The following PLA2G12A variants were observed in gnomAD, a reference collection of about 807,000 sequenced individuals.
PLA2G12A encodes group XIIA secretory phospholipase A2.
A neutral mutation model predicts 16.0 loss-of-function variants in PLA2G12A; 11 were observed. That is an observed-to-expected ratio of 0.69 (90% CI 0.43 to 1.13). The LOEUF (loss-of-function observed/expected upper bound fraction) is 1.13, where lower values mean the gene tolerates loss of function less well. Ranked by LOEUF, PLA2G12A falls within the 50% of genes most tolerant of loss-of-function variation. The pLI is 0.00. For missense variants in PLA2G12A, 214 were observed against 237.3 expected (o/e 0.90, Z 0.65); for synonymous variants, 77 against 93.8 (o/e 0.82, Z 1.03).
chr4:109,714,956 T>TG (rs1412394088), intron 3 of PLA2G12A, among the ~76,000 whole-genome samples: 2 of 131,608 alleles, frequency 1.5e-5, no homozygotes, highest in Non-Finnish European at 3.5e-5. Flanking sequence ...CACCCAGCTA[T>TG]TTTTGTTTGT....
In PLA2G12A at chr4:109,729,976, T is replaced by C. The variant is rs994073923; in HGVS notation, c.-167A>G. 87 of 596,690 alleles carry C rather than the reference T, an allele frequency of 1.5e-4. 2 individuals are homozygous for C. The South Asian group carries it at 2.0e-3, about 14-fold the overall frequency. 37.0% of individuals were successfully genotyped at this position (596,690 alleles called of 1,614,324 possible). Reference sequence around the variant, plus strand: ...CCCTCAGGATCTCGCTGTCTTTACGTGAACCGCCTCGGGCAGGCAGCGCCG... The same window carrying C: ...CCCTCAGGATCTCGCTGTCTTTACGCGAACCGCCTCGGGCAGGCAGCGCCG... On this transcript the variant is annotated 5_prime_UTR_variant, in exon 1 of 4. Transcript: ENST00000243501.
At chr4:109,719,200 T>A (rs954275967) in intron 1 of PLA2G12A, among the ~76,000 whole-genome samples, 1 of 152,222 alleles carries the variant, frequency 6.6e-6, no homozygotes, top group African/African-American at 2.4e-5. Context: ...AATGCTTCAT[T>A]GCATACAAAC....
intron 1 of PLA2G12A, among the ~76,000 whole-genome samples, chr4:109,728,475 G>T (rs1722981859): frequency 6.6e-6 from 1 of 152,172 alleles, no homozygotes; most frequent in South Asian, 2.1e-4. Context: ...AGTTCTACAA[G>T]AATAAAAACA....
Position 109,718,685 on chromosome 4 carries a change from G to A in PLA2G12A, c.283C>T (p.His95Tyr). Residue 95 changes from histidine to tyrosine, a missense_variant and splice_region_variant, in exon 2 of 4, where the codon CAT becomes TAT. His to Tyr is a moderately conservative substitution (Grantham distance 83). Transcript: ENST00000243501. ...NGCGSPLFGV[H>Y]LNIGIPSLTK... is the part of the protein sequence containing the mutation. Reference sequence around the variant, plus strand: ...ATCAAATAAAAGACAATATTTACATGAACACCAAACAGTGGAGAGCCACAT... The same window carrying A: ...ATCAAATAAAAGACAATATTTACATAAACACCAAACAGTGGAGAGCCACAT... 1.3e-6 allele frequency: 2 copies of A among 1,591,878 alleles called. No homozygotes were observed. Among genetic ancestry groups the A allele is most frequent in the Non-Finnish European group, 1.7e-6 (2 of 1,164,426 alleles).
chr4:109,720,604 AATATATATATATATATATAT>A lies in PLA2G12A; in HGVS notation c.209-1865_209-1846del, dbSNP rs201944228. 2.1e-3 allele frequency among the ~76,000 whole-genome samples: 76 copies of A among 35,582 alleles called. 1 individual carries two copies. Among genetic ancestry groups the A allele is most frequent in the East Asian group, 0.012 (18 of 1,448 alleles). The allele number at this position is 35,582 out of a possible 152,430, so 23.3% of individuals were successfully genotyped here. A position where few individuals can be genotyped will look rare whatever the true frequency, so the allele number is the denominator to read the frequency against. On this transcript the variant is annotated intron_variant, in intron 1 of 3. Transcript: ENST00000243501. The stretch of plus-strand genomic sequence containing the variant: ...AAAAAAAAAAAAAAAAAAAAAAAAA[AATATATATATATATATATAT>A]ATATATATATATATATATATGAATT...
At chr4:109,722,723 T>C (rs1249041574) in intron 1 of PLA2G12A, among the ~76,000 whole-genome samples, 1 of 152,226 alleles carries the variant, frequency 6.6e-6, no homozygotes, top group Non-Finnish European at 1.5e-5. Context: ...TCAGCAAGTC[T>C]TCCCTGACCA....
At chr4:109,720,153 A>C (rs957164624) in intron 1 of PLA2G12A, among the ~76,000 whole-genome samples, 8 of 152,172 alleles carry the variant, frequency 5.3e-5, no homozygotes, top group Non-Finnish European at 1.0e-4. Flanking sequence ...GGAAACAGAA[A>C]AATAAGCCAA....
At chr4:109,715,822 T>G (rs1227657100) in intron 3 of PLA2G12A, among the ~76,000 whole-genome samples, 2 of 152,228 alleles carry the variant, frequency 1.3e-5, no homozygotes, top group Admixed American at 6.5e-5. Context: ...GGTAATTTAT[T>G]TACTTTTCTT....
rs765765620 is a variant in PLA2G12A, at chr4:109,729,839, G to A, written c.-30C>T. ...GCAGCGCCGGGCTCTACGGGTCCCC[G>A]AGCCGCGGCGCGGGGCGCGTCCCCA... On this transcript the variant is annotated 5_prime_UTR_variant, in exon 1 of 4. Transcript: ENST00000243501. 2.6e-6 allele frequency: 4 copies of A among 1,535,832 alleles called. No individual in the cohort carries two copies. The highest frequency in any genetic ancestry group is 3.5e-6 in the Non-Finnish European group (4 of 1,140,376).
chr4:109,719,496 A>G (rs566497081), intron 1 of PLA2G12A, among the ~76,000 whole-genome samples: 4 of 152,342 alleles, frequency 2.6e-5, no homozygotes, highest in Admixed American at 1.3e-4. Context: ...GTTCCCCAGT[A>G]GCATCAAGGG....
In PLA2G12A at chr4:109,711,461, C is replaced by CA. The variant is rs1730728129; in HGVS notation, c.*2915dup. The CA allele has an allele frequency of 1.3e-5, 2 of 151,938 alleles. No homozygotes were observed. Among genetic ancestry groups the CA allele is most frequent in the Non-Finnish European group, 2.9e-5 (2 of 68,008 alleles). 9.4% of individuals were successfully genotyped at this position (151,938 alleles called of 1,614,324 possible). On this transcript the variant is annotated 3_prime_UTR_variant, in exon 4 of 4. Transcript: ENST00000243501. The stretch of plus-strand genomic sequence containing the variant: ...GTAGTGCCAGAAAGTAAGAAGTGCT[C>CA]AAAAATCAAAAGGATGGGCACATCA...
Position 109,712,898 on chromosome 4 carries a change from G to A in PLA2G12A, c.*1479C>T, listed in dbSNP as rs1485593045. On this transcript the variant is annotated 3_prime_UTR_variant, in exon 4 of 4. Coordinates refer to ENST00000243501, the MANE Select transcript of PLA2G12A (RefSeq NM_030821.5). ...TCCCAAACATTTAAGTGGAAACCCAGTTTGCTCACTTAGCCACAAGGCATA... is the reference window on the plus strand; with the variant it reads ...TCCCAAACATTTAAGTGGAAACCCAATTTGCTCACTTAGCCACAAGGCATA... 6.6e-6 allele frequency: 1 copy of A among 152,190 alleles called. No homozygotes were observed. The highest frequency in any genetic ancestry group is 1.5e-5 in the Non-Finnish European group (1 of 68,036). 9.4% of individuals were successfully genotyped at this position (152,190 alleles called of 1,614,324 possible).
At chr4:109,729,532 A>C in intron 1 of PLA2G12A, 70 bp downstream of exon 1, 1 of 1,498,058 alleles carries the variant, frequency 6.7e-7, no homozygotes, top group Non-Finnish European at 9.1e-7. Flanking sequence ...TGTCACTCAC[A>C]CCTCCAGGAT....
chr4:109,728,899 C>G (rs1191283757), intron 1 of PLA2G12A, among the ~76,000 whole-genome samples: 3 of 152,182 alleles, frequency 2.0e-5, no homozygotes, highest in Non-Finnish European at 4.4e-5. Flanking sequence ...TACAAAAGAA[C>G]TATCTCTGCC....
intron 1 of PLA2G12A, among the ~76,000 whole-genome samples, chr4:109,720,595 AAAAAAAAAAATATATATATATATATAT>A (rs1730913607): frequency 7.0e-5 from 2 of 28,716 alleles, no homozygotes; most frequent in African/African-American, 3.4e-4. Context: ...AAAAAAAAAA[AAAAAAAAAAATATATATATATATATAT>A]ATATATATAT....
At chr4:109,728,678 G>A (rs1017935040) in intron 1 of PLA2G12A, among the ~76,000 whole-genome samples, 1 of 152,314 alleles carries the variant, frequency 6.6e-6, no homozygotes, top group South Asian at 2.1e-4. Context: ...CATGATACCA[G>A]TTCCTTTTAA....
At chr4:109,720,105 T>C (rs1181654831) in intron 1 of PLA2G12A, among the ~76,000 whole-genome samples, 1 of 152,220 alleles carries the variant, frequency 6.6e-6, no homozygotes, top group Non-Finnish European at 1.5e-5. Context: ...TTCTGCTTTC[T>C]TTTAAGTTCT....
intron 1 of PLA2G12A, among the ~76,000 whole-genome samples, chr4:109,719,591 C>T (rs948533954): frequency 1.4e-4 from 22 of 152,162 alleles, no homozygotes; most frequent in Admixed American, 9.2e-4. Flanking sequence ...TCATTTAATA[C>T]AGGTTTACCT....
rs1730690789 is a variant in PLA2G12A, at chr4:109,709,998, A to G, written c.*4379T>C. 4 of 152,170 alleles carry G rather than the reference A, an allele frequency of 2.6e-5. No individual in the cohort carries two copies. The highest frequency in any genetic ancestry group is 5.9e-5 in the Non-Finnish European group (4 of 68,022). 9.4% of individuals were successfully genotyped at this position (152,170 alleles called of 1,614,324 possible). ...AAGATGACACTAGTGATCCCTTTACAGTTTTATTAATAATTATTATTTTTC... is the reference window on the plus strand; with the variant it reads ...AAGATGACACTAGTGATCCCTTTACGGTTTTATTAATAATTATTATTTTTC... On this transcript the variant is annotated 3_prime_UTR_variant, in exon 4 of 4. Transcript: ENST00000243501.
Sources: allele counts gnomAD v4.1 joint callset (sites outside exome capture counted in the v4.1 genomes callset), GRCh38; gene constraint gnomAD v4.1.1; transcripts MANE v1.5; gene names NCBI Gene and HGNC (gene_info 2026-07-23, HGNC 2026-07-21).